CEP89: variants seen among roughly 807,000 people sequenced by gnomAD.
The protein encoded by CEP89 is centrosomal protein of 89 kDa.
CEP89 carries 95 observed loss-of-function variants against 97.6 expected under a neutral mutation model. The ratio of observed to expected loss-of-function variants is 0.97; its 90% CI spans 0.82 to 1.15. CEP89 has a LOEUF of 1.15. CEP89 is among the 50% of genes most tolerant of loss of function. CEP89 has a pLI of 0.00. For missense variants in CEP89, 869 were observed against 947.7 expected (o/e 0.92, Z 1.09); for synonymous variants, 354 against 349.1 (o/e 1.01, Z -0.16).
intron 2 of CEP89, among the ~76,000 whole-genome samples, chr19:32,965,577 T>A (rs901300625): frequency 6.6e-6 from 1 of 151,178 alleles, no homozygotes; most frequent in Non-Finnish European, 1.5e-5. Flanking sequence ...ATGCCTGTAG[T>A]CCCAGCTACC....
chr19:32,917,906 C>T (rs529684265), intron 13 of CEP89: 225 of 471,794 alleles, frequency 4.8e-4, no homozygotes, highest in African/African-American at 4.4e-3. Flanking sequence ...TGTGTTATTT[C>T]AGATGTTTAC....
rs528130967 is a variant in CEP89 at position 32,926,929 on chromosome 19, C to T, written c.1080+5G>A. 3 of 1,612,732 alleles carry T rather than the reference C, an allele frequency of 1.9e-6. No individual in the cohort carries two copies. Among genetic ancestry groups the T allele is most frequent in the Non-Finnish European group, 2.5e-6 (3 of 1,178,950 alleles). Reference sequence around the variant, plus strand: ...TGGGCCTGAAATTAAATAACTTTCACTTACCAACCAGGGTGGTATAGGGCC... The same window carrying T: ...TGGGCCTGAAATTAAATAACTTTCATTTACCAACCAGGGTGGTATAGGGCC... On this transcript the variant is annotated splice_donor_5th_base_variant and intron_variant, in intron 10 of 18. Coordinates refer to ENST00000305768, the MANE Select transcript of CEP89 (RefSeq NM_032816.5).
chr19:32,937,766 T>A (rs1169781450), intron 6 of CEP89, 93 bp from the exon 7 acceptor site: 3 of 847,688 alleles, frequency 3.5e-6, no homozygotes, highest in Non-Finnish European at 5.9e-6. Context: ...AGCAGGTATA[T>A]AAGCATGCTT....
rs1348401384 is a variant in CEP89 at position 32,877,043 on chromosome 19, T to C, written c.*2119A>G. The C allele has an allele frequency of 6.6e-6, 1 of 152,256 alleles. No homozygotes were observed. The highest frequency in any genetic ancestry group is 2.4e-5 in the African/African-American group (1 of 41,468). The allele number at this position is 152,256 out of a possible 1,614,324, so 9.4% of individuals were successfully genotyped here. A position where few individuals can be genotyped will look rare whatever the true frequency, so the allele number is the denominator to read the frequency against. ...GCTGGGCTGCCGCCGCCTGTCAGCC[T>C]GTCTACAGGAGGCTGCAGAGCGGCC... On this transcript the variant is annotated 3_prime_UTR_variant, in exon 19 of 19. Transcript: ENST00000305768.
chr19:32,901,371 T>C lies in CEP89; in HGVS notation c.1607A>G (p.Glu536Gly), dbSNP rs1037891082. The C allele has an allele frequency of 1.2e-5, 20 of 1,613,940 alleles. No homozygotes were observed. The highest frequency in any genetic ancestry group is 1.5e-5 in the Non-Finnish European group (18 of 1,179,994). Residue 536 changes from glutamate (E) to glycine (G), a missense_variant, in exon 15 of 19, where the codon GAG becomes GGG. Physicochemically the swap from Glu to Gly is moderately conservative, Grantham distance 98. Transcript: ENST00000305768. ...GACTGTCAGCTTCTCCATCAACTCC[T>C]CCATCTCAGCCCTTTCTTTCTCTTC... ...KEEEKERAEM[E>G]ELMEKLTVLQ...
chr19:32,879,150 C>A lies in CEP89; in HGVS notation c.*12G>T, dbSNP rs762805067. The A allele has an allele frequency of 6.3e-6, 10 of 1,597,022 alleles. No individual in the cohort carries two copies. Among genetic ancestry groups the A allele is most frequent in the Non-Finnish European group, 8.5e-6 (10 of 1,170,002 alleles). ...AGGCCAGAGGAGGCTACACCACGGG[C>A]TCCCGCAGATTCTAGCAGGTGGGGG... On this transcript the variant is annotated 3_prime_UTR_variant, in exon 19 of 19. Coordinates refer to ENST00000305768, the MANE Select transcript of CEP89 (RefSeq NM_032816.5).
chr19:32,952,548 G>C, intron 4 of CEP89, among the ~76,000 whole-genome samples: 1 of 151,730 alleles, frequency 6.6e-6, no homozygotes, highest in East Asian at 1.9e-4. Context: ...TACCGGTGTA[G>C]CTTAATGCTG....
chr19:32,948,378 A>G lies in CEP89; in HGVS notation c.493-10T>C. ...CATGTAACAATGGCACCTTTTTGTT[A>G]TAAAAGACAAAGGAGCAAAAAAGTG... On this transcript the variant is annotated splice_polypyrimidine_tract_variant and intron_variant, in intron 4 of 18. Transcript: ENST00000305768. 1.3e-6 allele frequency: 2 copies of G among 1,573,994 alleles called. No individual in the cohort carries two copies. The highest frequency in any genetic ancestry group is 2.3e-5 in the South Asian group (2 of 88,242).
At chr19:32,932,211 TATAG>T in intron 8 of CEP89, among the ~76,000 whole-genome samples, 1 of 150,532 alleles carries the variant, frequency 6.6e-6, no homozygotes, top group South Asian at 2.1e-4. Flanking sequence ...AGAAAAATCA[TATAG>T]AATACATGGA....
rs1969220758 is a variant in CEP89, at chr19:32,879,009, T to C, written c.*153A>G. 1 of 531,140 alleles carries C rather than the reference T, an allele frequency of 1.9e-6. No homozygotes were observed. The highest frequency in any genetic ancestry group is 3.2e-6 in the Non-Finnish European group (1 of 308,318). The allele number at this position is 531,140 out of a possible 1,614,324, so 32.9% of individuals were successfully genotyped here. A position where few individuals can be genotyped will look rare whatever the true frequency, so the allele number is the denominator to read the frequency against. ...AATAAAGCAAAATGTTATCAATGGATTAAACTATGAGACCATTTATTTCTT... is the reference window on the plus strand; with the variant it reads ...AATAAAGCAAAATGTTATCAATGGACTAAACTATGAGACCATTTATTTCTT... On this transcript the variant is annotated 3_prime_UTR_variant, in exon 19 of 19. Transcript: ENST00000305768.
chr19:32,910,524 AGATT>A (rs539759012), intron 14 of CEP89, among the ~76,000 whole-genome samples: 77 of 152,324 alleles, frequency 5.1e-4, no homozygotes, highest in Non-Finnish European at 9.4e-4. Flanking sequence ...CTTCAATAAT[AGATT>A]AATTTTAGTA....
intron 14 of CEP89, among the ~76,000 whole-genome samples, chr19:32,905,968 G>T (rs1385102263): frequency 6.6e-6 from 1 of 152,150 alleles, no homozygotes; most frequent in African/African-American, 2.4e-5. Context: ...ACCATGCCTG[G>T]CCTAAGTAGT....
intron 13 of CEP89, among the ~76,000 whole-genome samples, chr19:32,915,779 C>G (rs943945643): frequency 7.9e-5 from 12 of 151,604 alleles, no homozygotes; most frequent in Non-Finnish European, 1.8e-4. Context: ...ATTAGCCAGG[C>G]GTGGTGGCAG....
chr19:32,900,426 TAC>T (rs1969741500), intron 15 of CEP89, among the ~76,000 whole-genome samples: 1 of 151,666 alleles, frequency 6.6e-6, no homozygotes, highest in Non-Finnish European at 1.5e-5. Context: ...TCTGTATATA[TAC>T]ATATATATAT....
At chr19:32,911,637 G>C (rs895009278) in intron 14 of CEP89, among the ~76,000 whole-genome samples, 4 of 152,124 alleles carry the variant, frequency 2.6e-5, no homozygotes, top group African/African-American at 9.7e-5. Flanking sequence ...GGGTGACAGA[G>C]GGAGATCTCA....
At chr19:32,884,703 T>C (rs1223373160) in intron 17 of CEP89, among the ~76,000 whole-genome samples, 2 of 151,878 alleles carry the variant, frequency 1.3e-5, no homozygotes, top group Non-Finnish European at 2.9e-5. Flanking sequence ...GAGTTGGGAG[T>C]ACAGGCGCTG....
rs1348291718 is a variant in CEP89, at chr19:32,932,783, A to T, written c.886+668T>A. Among the ~76,000 whole-genome samples the T allele has an allele frequency of 2.1e-5, 3 of 143,760 alleles. No homozygotes were observed. In the East Asian group the frequency reaches 6.1e-4, roughly 29 times the overall value. The allele number at this position is 143,760 out of a possible 152,430, so 94.3% of individuals were successfully genotyped here. ...ATGAGGCCTCACTGCTATAAAAAAAATTAAAAAAAAAAAAAACTTAGCCAG... is the reference window on the plus strand; with the variant it reads ...ATGAGGCCTCACTGCTATAAAAAAATTTAAAAAAAAAAAAAACTTAGCCAG... On this transcript the variant is annotated intron_variant, in intron 8 of 18. Transcript: ENST00000305768.
intron 5 of CEP89, among the ~76,000 whole-genome samples, chr19:32,945,284 C>CAAAAAAA (rs10709515): frequency 1.0e-5 from 1 of 95,886 alleles, no homozygotes. Context: ...AACTATGTTT[C>CAAAAAAA]AAAAAAAAAA....
At chr19:32,899,672 A>AGG (rs1451980250) in intron 16 of CEP89, among the ~76,000 whole-genome samples, 185 bp downstream of exon 16, 1 of 152,224 alleles carries the variant, frequency 6.6e-6, no homozygotes, top group Non-Finnish European at 1.5e-5. Context: ...GGAGTTCCTC[A>AGG]ATTTATAATA....
Sources: allele counts gnomAD v4.1 joint callset (sites outside exome capture counted in the v4.1 genomes callset), GRCh38; gene constraint gnomAD v4.1.1; transcripts MANE v1.5; gene names NCBI Gene and HGNC (gene_info 2026-07-23, HGNC 2026-07-21).